Variants in DNM1L observed in about 807,000 individuals in gnomAD.
The protein encoded by DNM1L is dynamin-1-like protein.
In DNM1L, 33 loss-of-function variants were observed where a neutral mutation model predicts 92.8. That is an observed-to-expected ratio of 0.36 (90% CI 0.27 to 0.48). The LOEUF is 0.48. Among genes scored for constraint, DNM1L ranks in the 20% least tolerant of loss-of-function variants. The probability of loss-of-function intolerance (pLI) is 0.99; values close to 1 mark genes in which losing one functional copy is unlikely to be tolerated. For missense variants in DNM1L, 485 were observed against 888.8 expected, an observed-to-expected ratio of 0.55 and a Z score of 5.78; for synonymous variants, 284 against 305.0, an observed-to-expected ratio of 0.93 and a Z score of 0.72.
At chr12:32,714,240 A>G (rs1953259303) in intron 6 of DNM1L, among the ~76,000 whole-genome samples, 1 of 151,818 alleles carries the variant, frequency 6.6e-6, no homozygotes, top group Non-Finnish European at 1.5e-5. Context: ...TCTGCCAATA[A>G]AAATTCCCAT....
intron 3 of DNM1L, 96 bp downstream of exon 3, chr12:32,707,509 A>AT (rs2137337657): frequency 1.2e-6 from 1 of 851,174 alleles, no homozygotes; most frequent in South Asian, 2.1e-5. Context: ...CAATTACGTT[A>AT]TTTTAAAGTA....
At position 32,718,891 on chromosome 12, in the gene DNM1L, C is replaced by T. The variant is rs182716597; in HGVS notation, c.740+128C>T. 460 of 1,308,280 alleles carry T rather than the reference C, an allele frequency of 3.5e-4. 1 individual carries two copies. In the African/African-American group the frequency reaches 6.0e-3, roughly 17 times the overall value. The allele number at this position is 1,308,280 out of a possible 1,614,324, so 81.0% of individuals were successfully genotyped here. Reference sequence around the variant, plus strand: ...GTGATGCTGTACTATATTTTTTCTCCCTTTTATTATGATCTTGGTATTGCT... The same window carrying T: ...GTGATGCTGTACTATATTTTTTCTCTCTTTTATTATGATCTTGGTATTGCT... On this transcript the variant is annotated intron_variant, in intron 7 of 19. Transcript: ENST00000549701.
In DNM1L at chr12:32,679,392, A is replaced by G. The variant is rs1592548168; in HGVS notation, c.29A>G (p.Lys10Arg). 3 of 1,613,804 alleles carry G rather than the reference A, an allele frequency of 1.9e-6. No homozygotes were observed. The highest frequency in any genetic ancestry group is 1.7e-6 in the Non-Finnish European group (2 of 1,179,854). MEALIPVIN[K>R]LQDVFNTVGA... ...GAGGCGCTAATTCCTGTCATAAACA[A>G]GCTCCAGGACGTCTTCAACACGGTG... The change falls in exon 1 of 20, where the codon AAG (lysine) becomes AGG (arginine). Residue 10 changes from lysine to arginine, a missense_variant. Transcript: ENST00000549701.
intron 1 of DNM1L, among the ~76,000 whole-genome samples, chr12:32,699,917 A>G (rs530696276): frequency 6.6e-6 from 1 of 151,972 alleles, no homozygotes; most frequent in Non-Finnish European, 1.5e-5. Context: ...GTCTGGCAGT[A>G]TCTATGAATG....
chr12:32,696,308 G>A (rs986243141), intron 1 of DNM1L, among the ~76,000 whole-genome samples: 2 of 152,022 alleles, frequency 1.3e-5, no homozygotes, highest in Non-Finnish European at 2.9e-5. Flanking sequence ...AGGCCAAGGT[G>A]GGGGTATCGC....
At chr12:32,733,343 C>G (rs866737018) in intron 12 of DNM1L, 2 of 225,420 alleles carry the variant, frequency 8.9e-6, no homozygotes, top group African/African-American at 4.7e-5. Context: ...TGAAAATGAA[C>G]TAAAAAAGTG....
intron 9 of DNM1L, chr12:32,726,426 T>C: frequency 1.3e-6 from 2 of 1,482,642 alleles, no homozygotes; most frequent in Admixed American, 1.7e-5. Context: ...CTTCGGGTCA[T>C]AGTCTGGATC....
chr12:32,742,250 A>G lies in DNM1L; in HGVS notation c.1995-339A>G, dbSNP rs1479918613. On this transcript the variant is annotated intron_variant, in intron 18 of 19. Coordinates refer to ENST00000549701, the MANE Select transcript of DNM1L (RefSeq NM_012062.5). ...CTCCCGAGTAGCTGGGATCACAGGCATGTGCCACCACACTCAGCTAATTTT... is the reference window on the plus strand; with the variant it reads ...CTCCCGAGTAGCTGGGATCACAGGCGTGTGCCACCACACTCAGCTAATTTT... Among the ~76,000 whole-genome samples the G allele has an allele frequency of 3.3e-5, 5 of 152,078 alleles. No individual in the cohort carries two copies. The South Asian group carries it at 6.2e-4, about 19-fold the overall frequency.
intron 1 of DNM1L, among the ~76,000 whole-genome samples, chr12:32,685,910 A>T (rs866014614): frequency 1.3e-5 from 2 of 151,676 alleles, no homozygotes; most frequent in Middle Eastern, 6.3e-3. Context: ...ACTATAATTT[A>T]ATTCCTGCTT....
At chr12:32,713,944 G>A (rs997107100) in intron 6 of DNM1L, among the ~76,000 whole-genome samples, 4 of 152,106 alleles carry the variant, frequency 2.6e-5, no homozygotes, top group African/African-American at 9.7e-5. Context: ...AGAAATGAAG[G>A]TAAAATCCTT....
intron 2 of DNM1L, among the ~76,000 whole-genome samples, chr12:32,701,993 GC>G (rs1346133656): frequency 1.3e-5 from 2 of 149,764 alleles, no homozygotes; most frequent in Admixed American, 6.6e-5. Context: ...CTCCCAAAGT[GC>G]TGATCACAAG....
Position 32,731,964 on chromosome 12 carries a change from T to C in DNM1L, c.1446+21T>C. On this transcript the variant is annotated intron_variant, in intron 12 of 19. Transcript: ENST00000549701. This position sits in a 1 kb window ranked among gnomAD's most constrained non-coding sequence, Gnocchi z 5.1. ...AAATGGTGAGCTACTATAGCATAGA[T>C]CATTGTAATTACTATTAGTAAAAGT... 1.3e-6 allele frequency: 2 copies of C among 1,563,568 alleles called. No individual in the cohort carries two copies. Among genetic ancestry groups the C allele is most frequent in the Non-Finnish European group, 1.8e-6 (2 of 1,134,530 alleles).
chr12:32,714,351 C>G (rs1740236426), intron 6 of DNM1L, among the ~76,000 whole-genome samples: 1 of 148,738 alleles, frequency 6.7e-6, no homozygotes, highest in South Asian at 2.1e-4. Context: ...CGGTTCACTG[C>G]AAGCTCTGCC....
At chr12:32,687,929 T>C (rs1952087398) in intron 1 of DNM1L, among the ~76,000 whole-genome samples, 1 of 152,088 alleles carries the variant, frequency 6.6e-6, no homozygotes, top group Non-Finnish European at 1.5e-5. Flanking sequence ...TTTTATTTTA[T>C]ATTATTTTAT....
At chr12:32,698,702 TAA>T (rs1952570290) in intron 1 of DNM1L, among the ~76,000 whole-genome samples, 1 of 146,500 alleles carries the variant, frequency 6.8e-6, no homozygotes, top group Non-Finnish European at 1.5e-5. Flanking sequence ...TATAGAAAAA[TAA>T]GTTTATTGCA....
chr12:32,727,120 T>G, intron 9 of DNM1L: 1 of 743,908 alleles, frequency 1.3e-6, no homozygotes, highest in Non-Finnish European at 2.5e-6. Flanking sequence ...GCCTTTTCTT[T>G]CAACTCCTCT....
intron 9 of DNM1L, among the ~76,000 whole-genome samples, chr12:32,725,910 GTTTTT>G (rs59243079): frequency 1.4e-5 from 2 of 141,696 alleles, no homozygotes; most frequent in South Asian, 4.5e-4. Context: ...TGGCATGCCG[GTTTTT>G]TTTTTTTTTT....
At chr12:32,695,629 G>T (rs893034870) in intron 1 of DNM1L, among the ~76,000 whole-genome samples, 2 of 151,890 alleles carry the variant, frequency 1.3e-5, no homozygotes, top group African/African-American at 4.8e-5. Context: ...AAATTAGCTG[G>T]ATGTGATGGT....
At chr12:32,702,062 C>T (rs1025847703) in intron 2 of DNM1L, among the ~76,000 whole-genome samples, 5 of 151,078 alleles carry the variant, frequency 3.3e-5, no homozygotes, top group South Asian at 2.1e-4. Context: ...GGTGAAACCC[C>T]GTCTCTGCTA....
Sources: gnomAD v4.1 joint callset for allele counts (sites outside exome capture counted in the v4.1 genomes callset) on GRCh38, gnomAD v4.1.1 for gene constraint, Gnocchi (gnomAD v3.1) non-coding constraint, MANE v1.5 for transcripts, NCBI Gene and HGNC (gene_info 2026-07-23, HGNC 2026-07-21) for gene names.